Variants in RALGAPA2 observed in about 807,000 individuals in gnomAD.
RALGAPA2 encodes Ral GTPase activating protein catalytic subunit alpha 2.
Under a neutral mutation model 230.4 loss-of-function variants are expected in RALGAPA2, and 139 were observed. The ratio of observed to expected loss-of-function variants is 0.60; its 90% CI spans 0.53 to 0.69. The LOEUF (loss-of-function observed/expected upper bound fraction) is 0.69. RALGAPA2 is among the 30% of genes least tolerant of loss of function. The probability of loss-of-function intolerance (pLI) is 0.00; values close to 1 mark genes in which losing one functional copy is unlikely to be tolerated. For missense variants in RALGAPA2, 2,163 were observed against 2,276.0 expected, an observed-to-expected ratio of 0.95 and a Z score of 1.01; for synonymous variants, 847 against 837.8, an observed-to-expected ratio of 1.01 and a Z score of -0.19.
chr20:20,501,450 A>G (rs1383230350), intron 35 of RALGAPA2, among the ~76,000 whole-genome samples: 2 of 152,216 alleles, frequency 1.3e-5, no homozygotes, highest in African/African-American at 2.4e-5. Context: ...GGCAAGCTTC[A>G]AACTTTTCTT....
chr20:20,643,664 AG>A, intron 4 of RALGAPA2, 115 bp from the exon 5 acceptor site: 1 of 1,003,232 alleles, frequency 1.0e-6, no homozygotes, highest in South Asian at 2.2e-5. Flanking sequence ...AAAAGGAAGA[AG>A]GCTGACCTTC....
intron 23 of RALGAPA2, among the ~76,000 whole-genome samples, chr20:20,547,147 T>TA (rs1452860115): frequency 1.3e-5 from 2 of 152,166 alleles, no homozygotes; most frequent in East Asian, 3.8e-4. Context: ...ATGAGGTAAA[T>TA]ATGTAATTAA....
chr20:20,682,201 C>T (rs1219967641), intron 1 of RALGAPA2, among the ~76,000 whole-genome samples: 1 of 152,152 alleles, frequency 6.6e-6, no homozygotes, highest in Non-Finnish European at 1.5e-5. Context: ...ACTATATTTA[C>T]TGCACCAAAA....
At chr20:20,446,073 C>T (rs2060854492) in intron 37 of RALGAPA2, among the ~76,000 whole-genome samples, 1 of 150,722 alleles carries the variant, frequency 6.6e-6, no homozygotes, top group South Asian at 2.1e-4. Context: ...TCCTCTTTAA[C>T]AGGAGCTGTG....
intron 1 of RALGAPA2, among the ~76,000 whole-genome samples, chr20:20,708,846 TTC>T (rs2069718550): frequency 6.6e-6 from 1 of 152,208 alleles, no homozygotes; most frequent in African/African-American, 2.4e-5. Flanking sequence ...TCAATGCCAG[TTC>T]TATATCCTAA....
At chr20:20,660,747 A>G (rs1310009497) in intron 3 of RALGAPA2, among the ~76,000 whole-genome samples, 1 of 152,164 alleles carries the variant, frequency 6.6e-6, no homozygotes, top group Non-Finnish European at 1.5e-5. Context: ...AAGGAAAATG[A>G]AATCCCTAAT....
At chr20:20,695,530 G>A (rs1485540678) in intron 1 of RALGAPA2, among the ~76,000 whole-genome samples, 2 of 152,152 alleles carry the variant, frequency 1.3e-5, no homozygotes, top group African/African-American at 2.4e-5. Flanking sequence ...TAAACCTGAC[G>A]CTGACTGACT....
At chr20:20,418,616 T>C (rs2060212882) in intron 37 of RALGAPA2, among the ~76,000 whole-genome samples, 1 of 152,216 alleles carries the variant, frequency 6.6e-6, no homozygotes, top group South Asian at 2.1e-4. Flanking sequence ...TGGGATATTA[T>C]ATAGCAGTGA....
intron 16 of RALGAPA2, among the ~76,000 whole-genome samples, chr20:20,594,895 T>G (rs1323086196): frequency 6.6e-6 from 1 of 152,022 alleles, no homozygotes; most frequent in Non-Finnish European, 1.5e-5. Flanking sequence ...TAGTTTTTTG[T>G]ATTTTTAGTA....
chr20:20,699,905 C>T (rs1336205028), intron 1 of RALGAPA2, among the ~76,000 whole-genome samples: 1 of 152,060 alleles, frequency 6.6e-6, no homozygotes, highest in Non-Finnish European at 1.5e-5. Context: ...TTGAGTTTCT[C>T]AAAGAACTTA....
chr20:20,629,533 T>C lies in RALGAPA2; in HGVS notation c.1063A>G (p.Thr355Ala), dbSNP rs1206017406. 1 of 1,613,934 alleles carries C rather than the reference T, an allele frequency of 6.2e-7. No homozygotes were observed. The highest frequency in any genetic ancestry group is 8.5e-7 in the Non-Finnish European group (1 of 1,179,890). Residue 355 changes from threonine (T) to alanine (A), a missense_variant, in exon 10 of 40, where the codon ACG becomes GCG. Transcript: ENST00000202677. ...TTAGAATGGCTTTTGTCCTGCTCCG[T>C]GGGCCCACCACCATCCAGCTCAGGC... Reference protein sequence around the residue: ...RAPELDGGGPTEQDKSHSNSS... With the variant: ...RAPELDGGGPAEQDKSHSNSS...
At chr20:20,509,820 A>G (rs1193696702) in intron 33 of RALGAPA2, among the ~76,000 whole-genome samples, 2 of 152,210 alleles carry the variant, frequency 1.3e-5, no homozygotes, top group South Asian at 2.1e-4. Context: ...CATAGCTGTG[A>G]GTAAGTTTAA....
chr20:20,683,542 C>G (rs1029380394), intron 1 of RALGAPA2, among the ~76,000 whole-genome samples: 3 of 152,230 alleles, frequency 2.0e-5, no homozygotes, highest in Non-Finnish European at 2.9e-5. Context: ...ATATTCTTCA[C>G]TTGGGGCCCC....
In RALGAPA2 at chr20:20,542,290, C is replaced by T. The variant is rs570875886; in HGVS notation, c.3285+4414G>A. 3.3e-4 allele frequency among the ~76,000 whole-genome samples: 51 copies of T among 152,296 alleles called. No individual in the cohort carries two copies. The South Asian group carries it at 9.7e-3, about 29-fold the overall frequency. On this transcript the variant is annotated intron_variant, in intron 24 of 39. Transcript: ENST00000202677. ...CAAACAAATGGAAAAACATTCCATG[C>T]TCATGGATAGGAAGAATCAATATCA... is the stretch of plus-strand genomic sequence containing the variant.
rs1171353286 is a variant in RALGAPA2, at chr20:20,637,343, A to G, written c.805+20T>C. 6.4e-7 allele frequency: 1 copy of G among 1,573,420 alleles called. No individual in the cohort carries two copies. Among genetic ancestry groups the G allele is most frequent in the Non-Finnish European group, 8.6e-7 (1 of 1,159,248 alleles). Reference sequence around the variant, plus strand: ...GCTTTCCTTTGGATATCCTCTATACACGGCTCCAACAGTACTTACCAAGTA... The same window carrying G: ...GCTTTCCTTTGGATATCCTCTATACGCGGCTCCAACAGTACTTACCAAGTA... On this transcript the variant is annotated intron_variant, in intron 8 of 39. Coordinates refer to ENST00000202677, the MANE Select transcript of RALGAPA2 (RefSeq NM_020343.4).
chr20:20,647,240 A>T (rs2067245083), intron 4 of RALGAPA2, among the ~76,000 whole-genome samples: 1 of 152,144 alleles, frequency 6.6e-6, no homozygotes, highest in South Asian at 2.1e-4. Flanking sequence ...TTTAGTTTTA[A>T]TTTTTTAAAA....
At position 20,620,520 on chromosome 20, in the gene RALGAPA2, T is replaced by G. The variant is rs1171794069; in HGVS notation, c.1344A>C (p.Lys448Asn). 1 of 1,613,980 alleles carries G rather than the reference T, an allele frequency of 6.2e-7. No individual in the cohort carries two copies. Residue 448 changes from lysine (K) to asparagine (N), a missense_variant, in exon 11 of 40, where the codon AAA becomes AAC. Transcript: ENST00000202677. Reference sequence around the variant, plus strand: ...TTTCAGCATCTTCTTGGGCAACATCTTTTCTATCTGGCTCCTCCATGAACA... The same window carrying G: ...TTTCAGCATCTTCTTGGGCAACATCGTTTCTATCTGGCTCCTCCATGAACA... ...KPVFMEEPDR[K>N]DVAQEDAEKL...
intron 10 of RALGAPA2, among the ~76,000 whole-genome samples, chr20:20,621,533 TA>T (rs920181419): frequency 1.2e-4 from 18 of 152,180 alleles, no homozygotes; most frequent in African/African-American, 3.6e-4. Context: ...TTGTTATTAT[TA>T]TTTTTTTGAT....
At position 20,598,443 on chromosome 20, in the gene RALGAPA2, T is replaced by C. The variant is rs534819471; in HGVS notation, c.2203+3239A>G. ...ATAGCTATGGACTGAAAAACCCTTC[T>C]ATCCTTCTTAATTGTTATTGCCAAG... On this transcript the variant is annotated intron_variant, in intron 16 of 39. Transcript: ENST00000202677. Among the ~76,000 whole-genome samples, 7 of 152,342 alleles carry C rather than the reference T, an allele frequency of 4.6e-5. No homozygotes were observed. In the East Asian group the frequency reaches 1.2e-3, roughly 25 times the overall value.
Sources: gnomAD v4.1 joint callset for allele counts (sites outside exome capture counted in the v4.1 genomes callset) on GRCh38, gnomAD v4.1.1 for gene constraint, MANE v1.5 for transcripts, NCBI Gene and HGNC (gene_info 2026-07-23, HGNC 2026-07-21) for gene names.